Variants in KMT2D observed in about 807,000 individuals in gnomAD.
KMT2D encodes the protein histone-lysine N-methyltransferase 2D.
Under a neutral mutation model 512.7 loss-of-function variants are expected in KMT2D, and 55 were observed. That is an observed-to-expected ratio of 0.11 (90% CI 0.09 to 0.13). The LOEUF (loss-of-function observed/expected upper bound fraction) is 0.13, where lower values mean the gene tolerates loss of function less well. Ranked by LOEUF, KMT2D falls within the 10% of genes least tolerant of loss-of-function variation. KMT2D has a pLI of 1.00. For missense variants in KMT2D, 6,061 were observed against 7,127.9 expected, an observed-to-expected ratio of 0.85 and a Z score of 5.39; for synonymous variants, 2,995 against 2,904.0, an observed-to-expected ratio of 1.03 and a Z score of -1.01.
Position 49,026,589 on chromosome 12 carries a change from A to C in KMT2D, c.15377T>G (p.Phe5126Cys). ...TGGACACAGCATGGTCTTGTCCTTG[A>C]AGAACATGCACTTGGCACGGATGGC... Reference protein sequence around the residue: ...ACAIRAKCMFFKDKTMLCPMH... With the variant: ...ACAIRAKCMFCKDKTMLCPMH... The change falls in exon 49 of 55, where the codon TTC becomes TGC. Residue 5126 changes from phenylalanine to cysteine, a missense_variant. Phe to Cys is a radical substitution (Grantham distance 205). Coordinates refer to ENST00000301067, the MANE Select transcript of KMT2D (RefSeq NM_003482.4). This position sits in a 1 kb window ranked among gnomAD's most constrained non-coding sequence, Gnocchi z 9.6. 1 of 1,614,058 alleles carries C rather than the reference A, an allele frequency of 6.2e-7. No homozygotes were observed. The highest frequency in any genetic ancestry group is 8.5e-7 in the Non-Finnish European group (1 of 1,179,904).
In KMT2D at chr12:49,027,234, G is replaced by A. The variant is rs183347186; in HGVS notation, c.14732C>T (p.Pro4911Leu). 2 of 1,550,070 alleles carry A rather than the reference G, an allele frequency of 1.3e-6. No individual in the cohort carries two copies. Among genetic ancestry groups the A allele is most frequent in the African/African-American group, 2.7e-5 (2 of 72,878 alleles). ...GGAAGGGGGCGGGGAGGGTTCTTCA[G>A]GAGGTGGGGCCGAGAGCTGTCGCAC... ...LDVRQLSAPP[P>L]EEPSPPPSPL... is the part of the protein sequence containing the mutation. The change falls in exon 49 of 55, where the codon CCT becomes CTT. Residue 4911 changes from proline to leucine, a missense_variant. By Grantham distance (98) the Pro-to-Leu change is moderately conservative (BLOSUM62 -3). Coordinates refer to ENST00000301067, the MANE Select transcript of KMT2D (RefSeq NM_003482.4).
Position 49,038,570 on chromosome 12 carries a change from A to C in KMT2D, c.8786T>G (p.Leu2929Arg). Residue 2929 changes from leucine (L) to arginine (R), a missense_variant, in exon 35 of 55, where the codon CTT (leucine) becomes CGT (arginine). Leu to Arg is a moderately radical substitution (Grantham distance 102). Around this residue, in one of 16 missense-constraint regions of KMT2D, gnomAD observed 527 missense variants for 578.9 expected, o/e 0.91. Transcript: ENST00000301067. The surrounding 1 kb of genome is among the most constrained non-coding windows in gnomAD (Gnocchi z 5.7). ...TGGGGCTGAGGGTTTCTGTGGGGGAAGACCTGATACCGCCAGGCCCCGAAG... is the reference window on the plus strand; with the variant it reads ...TGGGGCTGAGGGTTTCTGTGGGGGACGACCTGATACCGCCAGGCCCCGAAG... Reference protein sequence around the residue: ...EGLRGLAVSGLPPQKPSAPPA... With the variant: ...EGLRGLAVSGRPPQKPSAPPA... 1 of 1,612,512 alleles carries C rather than the reference A, an allele frequency of 6.2e-7. No homozygotes were observed. Among genetic ancestry groups the C allele is most frequent in the Non-Finnish European group, 8.5e-7 (1 of 1,179,098 alleles).
At position 49,049,769 on chromosome 12, in the gene KMT2D, G is replaced by A. The variant is rs373373098; in HGVS notation, c.3819C>T (p.Cys1273=). Residue 1273 remains cysteine, a synonymous_variant, in exon 12 of 55, where the codon TGC becomes TGT. Coordinates refer to ENST00000301067, the MANE Select transcript of KMT2D (RefSeq NM_003482.4). Reference sequence around the variant, plus strand: ...CTCCGCTGATAGCTGTCCCAGCATCGCACAATAGTGAGTCATCAGTCTCTG... The same window carrying A: ...CTCCGCTGATAGCTGTCCCAGCATCACACAATAGTGAGTCATCAGTCTCTG... ...SLPETDDSLL[C]DAGTAISGGK... 4.2e-4 allele frequency: 672 copies of A among 1,613,414 alleles called. 7 individuals are homozygous for A. In the South Asian group the frequency reaches 6.7e-3, roughly 16 times the overall value.
rs1943699730 is a variant in KMT2D, at chr12:49,044,582, T to C, written c.4964-60A>G. 2 of 1,593,114 alleles carry C rather than the reference T, an allele frequency of 1.3e-6. No homozygotes were observed. Among genetic ancestry groups the C allele is most frequent in the Admixed American group, 3.5e-5 (2 of 57,866 alleles). ...AGAACTATAGGCCCTTTTAACCTTGTCATCCTGCCACTGAGAGAGCTGAAT... is the reference window on the plus strand; with the variant it reads ...AGAACTATAGGCCCTTTTAACCTTGCCATCCTGCCACTGAGAGAGCTGAAT... On this transcript the variant is annotated intron_variant, in intron 20 of 54. Coordinates refer to ENST00000301067, the MANE Select transcript of KMT2D (RefSeq NM_003482.4). This position sits in a 1 kb window ranked among gnomAD's most constrained non-coding sequence, Gnocchi z 6.4.
chr12:49,051,039 A>G lies in KMT2D; in HGVS notation c.2644T>C (p.Leu882=), dbSNP rs2120662084. The G allele has an allele frequency of 1.3e-6, 2 of 1,549,284 alleles. No individual in the cohort carries two copies. The highest frequency in any genetic ancestry group is 1.7e-6 in the Non-Finnish European group (2 of 1,150,592). The change falls in exon 11 of 55, where the codon TTG becomes CTG. Residue 882 remains leucine (L), a synonymous_variant. Transcript: ENST00000301067. ...GQCPAPEELP[L]FPPPGEPSLS... The stretch of plus-strand genomic sequence containing the variant: ...GATGGTTCCCCAGGGGGAGGGAACA[A>G]GGGCAGCTCCTCAGGTGCAGGGCAT...
chr12:49,052,142 G>T lies in KMT2D; in HGVS notation c.1541C>A (p.Pro514Gln), dbSNP rs2120681666. ...TGGAGACAAGGGCGACTCCTCCAGT[G>T]GAGAAAAAGGTGATGATTCAGGTGG... ...SPPPESSPFS[P>Q]LEESPLSPPE... Residue 514 changes from proline to glutamine, a missense_variant, in exon 11 of 55, where the codon CCA becomes CAA. Physicochemically the swap from Pro to Gln is moderately conservative, Grantham distance 76 (BLOSUM62 -1). Coordinates refer to ENST00000301067, the MANE Select transcript of KMT2D (RefSeq NM_003482.4). 6.2e-7 allele frequency: 1 copy of T among 1,613,532 alleles called. No individual in the cohort carries two copies. The highest frequency in any genetic ancestry group is 8.5e-7 in the Non-Finnish European group (1 of 1,179,704).
intron 9 of KMT2D, 70 bp from the exon 10 acceptor site, chr12:49,052,779 G>A (rs1025920621): frequency 6.3e-7 from 1 of 1,588,942 alleles, no homozygotes; most frequent in African/African-American, 1.3e-5. Flanking sequence ...GCACACTGGG[G>A]GGAGGCACGA....
rs901244062 is a variant in KMT2D, at chr12:49,060,251, C to T, written c.-676G>A. Reference sequence around the variant, plus strand: ...CGCTCACCCTCGGCGGCTTCGAGCCCCCCACCTTCTGCTCCCCCCGGGGAA... The same window carrying T: ...CGCTCACCCTCGGCGGCTTCGAGCCTCCCACCTTCTGCTCCCCCCGGGGAA... On this transcript the variant is annotated 5_prime_UTR_variant, in exon 1 of 55. Coordinates refer to ENST00000301067, the MANE Select transcript of KMT2D (RefSeq NM_003482.4). Among the ~76,000 whole-genome samples, 5 of 152,044 alleles carry T rather than the reference C, an allele frequency of 3.3e-5. No homozygotes were observed. Among genetic ancestry groups the T allele is most frequent in the Non-Finnish European group, 5.9e-5 (4 of 67,960 alleles).
intron 2 of KMT2D, 28 bp from the exon 3 acceptor site, chr12:49,055,054 C>T: frequency 6.2e-7 from 1 of 1,611,778 alleles, no homozygotes; most frequent in Non-Finnish European, 8.5e-7. Flanking sequence ...CAGCATGTGT[C>T]AGCCATCATC....
chr12:49,058,229 C>A (rs1938527887), intron 1 of KMT2D, among the ~76,000 whole-genome samples: 1 of 152,150 alleles, frequency 6.6e-6, no homozygotes, highest in Admixed American at 6.5e-5. Flanking sequence ...TGAGAGCAGG[C>A]ACAGCTAACA....
At chr12:49,048,403 C>G (rs1476351862) in intron 14 of KMT2D, among the ~76,000 whole-genome samples, 1 of 152,228 alleles carries the variant, frequency 6.6e-6, no homozygotes, top group African/African-American at 2.4e-5. Context: ...CATGTAAGTT[C>G]CCTAAGCTAT....
rs781459185 is a variant in KMT2D, at chr12:49,031,964, C to A, written c.12741G>T (p.Gly4247=). 1 of 1,567,112 alleles carries A rather than the reference C, an allele frequency of 6.4e-7. No homozygotes were observed. The highest frequency in any genetic ancestry group is 1.8e-5 in the Admixed American group (1 of 55,628). The change falls in exon 40 of 55, where the codon GGG becomes GGT. Residue 4247 remains glycine, a synonymous_variant. Transcript: ENST00000301067. ...VRQTPPYQEP[G]TQTSPLQGLL... The stretch of plus-strand genomic sequence containing the variant: ...GGCCCTGGAGGGGAGAGGTCTGGGT[C>A]CCAGGCTCCTGGTAGGGTGGGGTCT...
intron 15 of KMT2D, among the ~76,000 whole-genome samples, chr12:49,047,616 C>A (rs1433750274): frequency 2.0e-5 from 3 of 151,842 alleles, no homozygotes; most frequent in African/African-American, 4.8e-5. Flanking sequence ...GACGGGGTTT[C>A]ACCATGTTGA....
At position 49,052,139 on chromosome 12, in the gene KMT2D, A is replaced by G. The variant is rs1309147559; in HGVS notation, c.1544T>C (p.Leu515Pro). 1 of 1,610,816 alleles carries G rather than the reference A, an allele frequency of 6.2e-7. No homozygotes were observed. Among genetic ancestry groups the G allele is most frequent in the Non-Finnish European group, 8.5e-7 (1 of 1,179,118 alleles). Residue 515 changes from leucine (L) to proline (P), a missense_variant, in exon 11 of 55, where the codon CTG becomes CCG. By Grantham distance (98) the Leu-to-Pro change is moderately conservative (BLOSUM62 -3). Coordinates refer to ENST00000301067, the MANE Select transcript of KMT2D (RefSeq NM_003482.4). ...CGGTGGAGACAAGGGCGACTCCTCC[A>G]GTGGAGAAAAAGGTGATGATTCAGG... ...PPPESSPFSP[L>P]EESPLSPPEE...
At position 49,043,914 on chromosome 12, in the gene KMT2D, C is replaced by T. The variant is rs2120575259; in HGVS notation, c.5273G>A (p.Gly1758Glu). The T allele has an allele frequency of 6.2e-7, 1 of 1,614,096 alleles. No homozygotes were observed. The highest frequency in any genetic ancestry group is 8.5e-7 in the Non-Finnish European group (1 of 1,179,914). ...GTCCTCCAGTTTGCTCTTCTTGCGC[C>T]CTCGCCGCTGTTGCTTCTTCTTCTC... ...GDEKKKQQRRGRKKSKLEDMF... is the reference protein window; with the variant it reads ...GDEKKKQQRRERKKSKLEDMF... Residue 1758 changes from glycine to glutamate, a missense_variant, in exon 23 of 55, where the codon GGG (glycine) becomes GAG (glutamate). By Grantham distance (98) the Gly-to-Glu change is moderately conservative (BLOSUM62 -2). Transcript: ENST00000301067.
In KMT2D at chr12:49,030,400, G is replaced by A. The variant is rs1453023653; in HGVS notation, c.13879C>T (p.Pro4627Ser). 2.3e-6 allele frequency: 3 copies of A among 1,325,006 alleles called. No homozygotes were observed. The highest frequency in any genetic ancestry group is 3.1e-6 in the Non-Finnish European group (3 of 958,732). 82.1% of individuals were successfully genotyped at this position (1,325,006 alleles called of 1,614,324 possible). A position where few individuals can be genotyped will look rare whatever the true frequency, so the allele number is the denominator to read the frequency against. ...TGCACCGATGGGGGTGGGGTGGGGGGCAGCGACGAGGGTGGTGTCGGCGGG... is the reference window on the plus strand; with the variant it reads ...TGCACCGATGGGGGTGGGGTGGGGGACAGCGACGAGGGTGGTGTCGGCGGG... ...SNPPTPPSSL[P>S]PTPPPSVQQK... Residue 4627 changes from proline (P) to serine (S), a missense_variant, in exon 43 of 55, where the codon CCC (proline) becomes TCC (serine). Physicochemically the swap from Pro to Ser is moderately conservative, Grantham distance 74 (BLOSUM62 -1). Around this residue, in one of 16 missense-constraint regions of KMT2D, gnomAD observed 1,600 missense variants for 1,754.9 expected, o/e 0.91. Coordinates refer to ENST00000301067, the MANE Select transcript of KMT2D (RefSeq NM_003482.4).
At chr12:49,053,930 A>G in intron 6 of KMT2D, 48 bp downstream of exon 6, 1 of 1,586,066 alleles carries the variant, frequency 6.3e-7, no homozygotes, top group Non-Finnish European at 8.6e-7. Flanking sequence ...AATCCAAGGC[A>G]CATTTGGTCT....
chr12:49,030,725 T>C lies in KMT2D; in HGVS notation c.13715A>G (p.Asn4572Ser), dbSNP rs777292389. Residue 4572 changes from asparagine (N) to serine (S), a missense_variant, in exon 42 of 55, where the codon AAT becomes AGT. Physicochemically the swap from Asn to Ser is conservative, Grantham distance 46 (BLOSUM62 1). Around this residue, in one of 16 missense-constraint regions of KMT2D, gnomAD observed 1,600 missense variants for 1,754.9 expected, o/e 0.91. Coordinates refer to ENST00000301067, the MANE Select transcript of KMT2D (RefSeq NM_003482.4). ...LPLTEPAITA[N>S]FSLFAPFGSG... ...GCCAAAGGGGGCAAAGAGGCTAAAA[T>C]TGGCGGTGATAGCAGGCTCCGTTAG... 7 of 1,613,544 alleles carry C rather than the reference T, an allele frequency of 4.3e-6. No individual in the cohort carries two copies. Among genetic ancestry groups the C allele is most frequent in the South Asian group, 3.3e-5 (3 of 91,082 alleles).
At position 49,044,096 on chromosome 12, in the gene KMT2D, T is replaced by C; in HGVS notation, c.5189-98A>G. 6.3e-7 allele frequency: 1 copy of C among 1,591,552 alleles called. No individual in the cohort carries two copies. The highest frequency in any genetic ancestry group is 8.6e-7 in the Non-Finnish European group (1 of 1,167,126). The stretch of plus-strand genomic sequence containing the variant: ...GCCTACTCTCTCCCACAACACCAGC[T>C]GGGTCTACCACCCTCTTGGCCCTTT... On this transcript the variant is annotated intron_variant, in intron 22 of 54. Coordinates refer to ENST00000301067, the MANE Select transcript of KMT2D (RefSeq NM_003482.4). The surrounding 1 kb of genome is among the most constrained non-coding windows in gnomAD (Gnocchi z 6.4).
Sources: gnomAD v4.1 joint callset for allele counts (sites outside exome capture counted in the v4.1 genomes callset) on GRCh38, gnomAD v4.1.1 for gene constraint, gnomAD v4.1.1 regional missense constraint, Gnocchi (gnomAD v3.1) non-coding constraint, MANE v1.5 for transcripts, NCBI Gene and HGNC (gene_info 2026-07-23, HGNC 2026-07-21) for gene names.